VRK2: variants seen among roughly 807,000 people sequenced by gnomAD.
The protein encoded by VRK2 is serine/threonine-protein kinase VRK2.
A neutral mutation model predicts 57.6 loss-of-function variants in VRK2; 60 were observed. The ratio of observed to expected loss-of-function variants is 1.04; its 90% CI spans 0.85 to 1.29. The LOEUF (loss-of-function observed/expected upper bound fraction) is 1.29. Among genes scored for constraint, VRK2 ranks in the 50% most tolerant of loss-of-function variants. VRK2 has a pLI of 0.00. For synonymous variants in VRK2, 231 were observed against 199.2 expected, an observed-to-expected ratio of 1.16 and a Z score of -1.35; for missense variants, 705 against 588.1, an observed-to-expected ratio of 1.20 and a Z score of -2.06.
chr2:58,147,619 G>A (rs79511046), intron 12 of VRK2, among the ~76,000 whole-genome samples: 120 of 151,856 alleles, frequency 7.9e-4, no homozygotes, highest in Non-Finnish European at 1.4e-3. Flanking sequence ...AATGAGATAC[G>A]TATATATAGA....
intron 1 of VRK2, among the ~76,000 whole-genome samples, chr2:57,964,899 A>C (rs902297911): frequency 4.0e-5 from 6 of 151,304 alleles, no homozygotes; most frequent in South Asian, 4.2e-4. Context: ...AAAAAAAAAA[A>C]AAAAAAAAAC....
At chr2:57,997,485 A>C (rs1212149730) in intron 1 of VRK2, among the ~76,000 whole-genome samples, 1 of 152,206 alleles carries the variant, frequency 6.6e-6, no homozygotes, top group Non-Finnish European at 1.5e-5. Context: ...AAGTTAAAAG[A>C]CATTTTTTAA....
chr2:57,973,699 A>G (rs1179412975), intron 1 of VRK2, among the ~76,000 whole-genome samples: 1 of 151,870 alleles, frequency 6.6e-6, no homozygotes, highest in East Asian at 1.9e-4. Flanking sequence ...TTAAAATTGC[A>G]AAGAAGCACA....
chr2:58,047,444 G>C (rs1675000321), intron 1 of VRK2: 1 of 985,444 alleles, frequency 1.0e-6, no homozygotes, highest in Non-Finnish European at 1.2e-6. Context: ...TCCCTTGGCA[G>C]ATGAACTCGG....
chr2:57,964,741 C>T (rs1671861075), intron 1 of VRK2, among the ~76,000 whole-genome samples: 1 of 151,792 alleles, frequency 6.6e-6, no homozygotes, highest in African/African-American at 2.4e-5. Flanking sequence ...CAAAAATTAG[C>T]CTGTTGTGGT....
Position 57,949,359 on chromosome 2 carries a change from G to T in VRK2, c.-439+41520G>T, listed in dbSNP as rs534284198. Among the ~76,000 whole-genome samples, 6 of 152,218 alleles carry T rather than the reference G, an allele frequency of 3.9e-5. No homozygotes were observed. In the East Asian group the frequency reaches 1.2e-3, roughly 29 times the overall value. ...GTCTATCAGGGCCATTTTTCCAACA[G>T]CATGTGCTCACTTTTCTCTGTATCA... On this transcript the variant is annotated intron_variant, in intron 1 of 15. Coordinates refer to the VRK2 transcript ENST00000417641.
intron 1 of VRK2, among the ~76,000 whole-genome samples, chr2:57,917,920 C>A (rs1050770419): frequency 6.6e-5 from 10 of 151,732 alleles, no homozygotes; most frequent in Non-Finnish European, 8.8e-5. Context: ...TTGCAGCTGC[C>A]CTGTATATTC....
intron 1 of VRK2, among the ~76,000 whole-genome samples, chr2:57,978,579 A>G (rs1465043962): frequency 1.3e-5 from 2 of 151,046 alleles, no homozygotes; most frequent in Non-Finnish European, 2.9e-5. Context: ...ATTGATTGAC[A>G]TATTGGGTGC....
chr2:58,016,019 TG>T (rs1266905234), intron 1 of VRK2, among the ~76,000 whole-genome samples: 1 of 152,118 alleles, frequency 6.6e-6, no homozygotes, highest in Non-Finnish European at 1.5e-5. Context: ...CTTTGATGAT[TG>T]GTTCTCTATC....
intron 12 of VRK2, among the ~76,000 whole-genome samples, chr2:58,148,955 A>C (rs1191690315): frequency 6.6e-6 from 1 of 151,754 alleles, no homozygotes; most frequent in Non-Finnish European, 1.5e-5. Flanking sequence ...TTTTCTTTCA[A>C]AAATGTATTG....
chr2:57,911,418 A>G (rs1277873715), intron 1 of VRK2, among the ~76,000 whole-genome samples: 1 of 152,190 alleles, frequency 6.6e-6, no homozygotes, highest in Non-Finnish European at 1.5e-5. Flanking sequence ...AAATCCCACA[A>G]TATAGATAAC....
At chr2:58,069,708 G>T (rs764587856) in intron 2 of VRK2, among the ~76,000 whole-genome samples, 5 of 152,124 alleles carry the variant, frequency 3.3e-5, no homozygotes, top group Non-Finnish European at 7.3e-5. Context: ...TTTGGGTGCT[G>T]GGATGGGAAA....
chr2:58,060,784 T>C (rs547314017), intron 2 of VRK2, among the ~76,000 whole-genome samples: 1 of 151,972 alleles, frequency 6.6e-6, no homozygotes, highest in South Asian at 2.1e-4. Context: ...TTACAGAATT[T>C]ACAGTATTAT....
At chr2:58,041,289 A>G (rs571891889) in intron 3 of VRK2, among the ~76,000 whole-genome samples, 1 of 152,252 alleles carries the variant, frequency 6.6e-6, no homozygotes, top group South Asian at 2.1e-4. Context: ...AAAATTTTTT[A>G]TTGAGCCTTT....
intron 4 of VRK2, among the ~76,000 whole-genome samples, chr2:58,085,761 A>T (rs1213485499): frequency 6.6e-6 from 1 of 151,922 alleles, no homozygotes; most frequent in South Asian, 2.1e-4. Flanking sequence ...ATTGTTTATC[A>T]GTAGAGCTGT....
chr2:58,088,484 T>C, intron 6 of VRK2, 38 bp downstream of exon 6: 2 of 1,416,194 alleles, frequency 1.4e-6, no homozygotes, highest in Non-Finnish European at 1.0e-6. Context: ...ATTTCCAAAT[T>C]GTTTACTTCT....
chr2:58,020,492 A>G (rs1433917041), intron 1 of VRK2, among the ~76,000 whole-genome samples: 1 of 152,264 alleles, frequency 6.6e-6, no homozygotes, highest in Non-Finnish European at 1.5e-5. Flanking sequence ...GGTGCAAAGC[A>G]CCATGCCCTG....
intron 1 of VRK2, among the ~76,000 whole-genome samples, chr2:58,000,782 T>C (rs547743747): frequency 6.6e-6 from 1 of 152,332 alleles, no homozygotes; most frequent in African/African-American, 2.4e-5. Flanking sequence ...CTTCTATTCA[T>C]ACTCGACTGC....
chr2:58,079,410 C>T (rs537532196), intron 2 of VRK2, among the ~76,000 whole-genome samples: 124 of 152,172 alleles, frequency 8.1e-4, no homozygotes, highest in Admixed American at 1.6e-3. Flanking sequence ...TATCTATTAA[C>T]GACTTGCCCC....
Sources: gnomAD v4.1 joint callset for allele counts (sites outside exome capture counted in the v4.1 genomes callset) on GRCh38, gnomAD v4.1.1 for gene constraint, MANE v1.5 for transcripts, NCBI Gene and HGNC (gene_info 2026-07-23, HGNC 2026-07-21) for gene names.